The following TBC1D32 variants were observed in gnomAD, a reference collection of about 807,000 sequenced individuals.
The protein encoded by TBC1D32 is TBC1 domain family member 32, also known as protein broad-minded.
TBC1D32 carries 151 observed loss-of-function variants against 170.3 expected under a neutral mutation model. That is an observed-to-expected ratio of 0.89 (90% CI 0.78 to 1.01). The LOEUF is 1.01. Ranked by LOEUF, TBC1D32 falls within the 50% of genes least tolerant of loss-of-function variation. The pLI, the probability that TBC1D32 is intolerant of heterozygous loss-of-function variation, is 0.00. For missense variants in TBC1D32, 1,464 were observed against 1,457.1 expected (o/e 1.00, Z -0.08); for synonymous variants, 498 against 488.0 (o/e 1.02, Z -0.27).
chr6:121,259,791 G>A (rs1249353603), intron 15 of TBC1D32, among the ~76,000 whole-genome samples: 1 of 152,160 alleles, frequency 6.6e-6, no homozygotes, highest in East Asian at 1.9e-4. Flanking sequence ...CTCTAAATTG[G>A]GGGGTAAAAG....
chr6:121,125,043 C>T (rs1780678762), intron 26 of TBC1D32, among the ~76,000 whole-genome samples: 1 of 152,166 alleles, frequency 6.6e-6, no homozygotes, highest in Non-Finnish European at 1.5e-5. Context: ...CTCATTTTGT[C>T]CATTTGGTGA....
intron 9 of TBC1D32, among the ~76,000 whole-genome samples, chr6:121,302,059 A>G (rs1265000607): frequency 1.3e-5 from 2 of 152,202 alleles, no homozygotes; most frequent in African/African-American, 4.8e-5. Context: ...TTCCAACTTA[A>G]TAATAAGAGA....
chr6:121,140,920 C>T (rs953819288), intron 24 of TBC1D32, among the ~76,000 whole-genome samples: 1 of 152,044 alleles, frequency 6.6e-6, no homozygotes, highest in Non-Finnish European at 1.5e-5. Flanking sequence ...AGTAAAAATT[C>T]CTAAATTTAC....
At chr6:121,213,034 T>C (rs1043756622) in intron 21 of TBC1D32, among the ~76,000 whole-genome samples, 4 of 152,170 alleles carry the variant, frequency 2.6e-5, no homozygotes, top group African/African-American at 7.2e-5. Flanking sequence ...AAACTAGATA[T>C]TGAAGGAACA....
In TBC1D32 at chr6:121,200,453, TA is replaced by T. The variant is rs1319301137; in HGVS notation, c.2570+4621del. Among the ~76,000 whole-genome samples the T allele has an allele frequency of 3.3e-5, 5 of 151,558 alleles. 1 individual carries two copies. Among genetic ancestry groups the T allele is most frequent in the African/African-American group, 1.2e-4 (5 of 40,856 alleles). ...AAATGTCCAAGAAGGAATATAACAT[TA>T]CTCTAAACCTACTAAAAATGGTTAA... On this transcript the variant is annotated intron_variant, in intron 22 of 31. Transcript: ENST00000398212.
intron 4 of TBC1D32, among the ~76,000 whole-genome samples, chr6:121,308,478 A>C (rs1036564090): frequency 4.0e-5 from 6 of 151,818 alleles, no homozygotes; most frequent in Non-Finnish European, 8.8e-5. Context: ...TGAGGGCTTT[A>C]ATTTCAAAAC....
intron 13 of TBC1D32, among the ~76,000 whole-genome samples, 155 bp from the exon 14 acceptor site, chr6:121,281,841 T>C (rs1003727947): frequency 6.6e-6 from 1 of 151,678 alleles, no homozygotes; most frequent in Non-Finnish European, 1.5e-5. Context: ...TACTACCAAA[T>C]TATAACCTGA....
chr6:121,324,113 T>C (rs1810136354), intron 1 of TBC1D32, among the ~76,000 whole-genome samples: 1 of 152,116 alleles, frequency 6.6e-6, no homozygotes, highest in Non-Finnish European at 1.5e-5. Context: ...TTCACTTTAC[T>C]CCAAAGCCCA....
intron 22 of TBC1D32, among the ~76,000 whole-genome samples, chr6:121,175,818 G>T (rs984889589): frequency 1.3e-5 from 2 of 152,062 alleles, no homozygotes; most frequent in Non-Finnish European, 2.9e-5. Context: ...TTTTAACATC[G>T]TTCTAGAAAT....
intron 3 of TBC1D32, among the ~76,000 whole-genome samples, chr6:121,315,364 G>C (rs1316748377): frequency 6.6e-6 from 1 of 152,126 alleles, no homozygotes; most frequent in Non-Finnish European, 1.5e-5. Context: ...ATTTTGCAGA[G>C]ACTTGTTCCA....
intron 22 of TBC1D32, among the ~76,000 whole-genome samples, chr6:121,161,336 A>C (rs1785622201): frequency 6.6e-6 from 1 of 151,948 alleles, no homozygotes; most frequent in Non-Finnish European, 1.5e-5. Context: ...ATTCTTTCTG[A>C]TGCTCTCCCT....
At chr6:121,101,118 C>G (rs1249592833) in intron 30 of TBC1D32, among the ~76,000 whole-genome samples, 1 of 152,012 alleles carries the variant, frequency 6.6e-6, no homozygotes, top group African/African-American at 2.4e-5. Context: ...CAAAAAAAGT[C>G]CAGGACCAGA....
At chr6:121,159,383 A>G (rs187892146) in intron 24 of TBC1D32, among the ~76,000 whole-genome samples, 1 of 152,192 alleles carries the variant, frequency 6.6e-6, no homozygotes, top group African/African-American at 2.4e-5. Flanking sequence ...ACCTAGAATT[A>G]ATTGCACAAA....
At chr6:121,294,376 T>G (rs1466434326) in intron 11 of TBC1D32, among the ~76,000 whole-genome samples, 194 bp downstream of exon 11, 1 of 152,144 alleles carries the variant, frequency 6.6e-6, no homozygotes, top group Admixed American at 6.5e-5. Flanking sequence ...TAATTTCAAA[T>G]GTAGATCTGT....
chr6:121,205,006 A>G, intron 22 of TBC1D32, 69 bp downstream of exon 22: 1 of 895,600 alleles, frequency 1.1e-6, no homozygotes, highest in Non-Finnish European at 1.7e-6. Flanking sequence ...TTTTTAAAGT[A>G]TACAGGACAA....
Position 121,143,698 on chromosome 6 carries a change from T to C in TBC1D32, c.2774-11946A>G, listed in dbSNP as rs562437532. Among the ~76,000 whole-genome samples the C allele has an allele frequency of 2.6e-5, 4 of 152,342 alleles. No homozygotes were observed. The East Asian group carries it at 5.8e-4, about 22-fold the overall frequency. ...ATGACTCTTGCTGTTAAAATAACTT[T>C]GGTGTCTTAAATATTGCTACCTTAA... is the stretch of plus-strand genomic sequence containing the variant. On this transcript the variant is annotated intron_variant, in intron 24 of 31. Coordinates refer to ENST00000398212, the MANE Select transcript of TBC1D32 (RefSeq NM_152730.6).
At chr6:121,217,225 G>T (rs1311119124) in intron 21 of TBC1D32, among the ~76,000 whole-genome samples, 3 of 152,222 alleles carry the variant, frequency 2.0e-5, no homozygotes, top group African/African-American at 7.2e-5. Flanking sequence ...TGCAGCCACT[G>T]ACTTGGCAAA....
At position 121,178,905 on chromosome 6, in the gene TBC1D32, T is replaced by C. The variant is rs186961032; in HGVS notation, c.2571-17849A>G. On this transcript the variant is annotated intron_variant, in intron 22 of 31. Coordinates refer to ENST00000398212, the MANE Select transcript of TBC1D32 (RefSeq NM_152730.6). ...ACCTGTGTGAGTTAGGAAGCAGATC[T>C]TTCTCGAGTTTCACATGAGACCACG... Among the ~76,000 whole-genome samples, 831 of 152,260 alleles carry C rather than the reference T, an allele frequency of 5.5e-3. 4 individuals are homozygous for C. Among genetic ancestry groups the C allele is most frequent in the Non-Finnish European group, 7.0e-3 (473 of 68,022 alleles).
intron 10 of TBC1D32, among the ~76,000 whole-genome samples, chr6:121,299,018 G>C (rs1229083847): frequency 6.6e-6 from 1 of 151,870 alleles, no homozygotes; most frequent in Non-Finnish European, 1.5e-5. Flanking sequence ...GTCTACATTT[G>C]GTATAACTCA....
Sources: gnomAD v4.1 joint callset for allele counts (sites outside exome capture counted in the v4.1 genomes callset) on GRCh38, gnomAD v4.1.1 for gene constraint, MANE v1.5 for transcripts, NCBI Gene and HGNC (gene_info 2026-07-23, HGNC 2026-07-21) for gene names.